The following RIPK1 variants were observed in gnomAD, a reference collection of about 807,000 sequenced individuals.
RIPK1 encodes the protein receptor interacting serine/threonine kinase 1.
A neutral mutation model predicts 62.4 loss-of-function variants in RIPK1; 27 were observed. The observed-to-expected ratio is 0.43, with a 90% CI of 0.32 to 0.60. The LOEUF (loss-of-function observed/expected upper bound fraction) is 0.60. RIPK1 is among the 20% of genes least tolerant of loss of function. The probability of loss-of-function intolerance (pLI) is 0.07; values close to 1 mark genes in which losing one functional copy is unlikely to be tolerated. For synonymous variants in RIPK1, 287 were observed against 303.2 expected (o/e 0.95, Z 0.55); for missense variants, 735 against 831.0 (o/e 0.88, Z 1.42).
chr6:3,084,634 G>A (rs1759594065), intron 5 of RIPK1, among the ~76,000 whole-genome samples: 2 of 138,952 alleles, frequency 1.4e-5, no homozygotes, highest in South Asian at 4.4e-4. Flanking sequence ...TCATTCTGTC[G>A]CCAGGTTGGA....
Position 3,076,961 on chromosome 6 carries a change from A to G in RIPK1, c.138A>G (p.Thr46=). The change falls in exon 2 of 11, where the codon ACA becomes ACG. Residue 46 remains threonine (T), a synonymous_variant. Transcript: ENST00000259808. The stretch of plus-strand genomic sequence containing the variant: ...CCCAGGGACTCATGATCATGAAAAC[A>G]GTGTACAAGGGGCCCAACTGCATTG... The part of the protein sequence containing the change: ...HRTQGLMIMK[T]VYKGPNCIEH... 6.7e-7 allele frequency: 1 copy of G among 1,496,734 alleles called. No individual in the cohort carries two copies. The highest frequency in any genetic ancestry group is 2.8e-5 in the East Asian group (1 of 36,322). The allele number at this position is 1,496,734 out of a possible 1,614,324, so 92.7% of individuals were successfully genotyped here.
upstream of RIPK1, chr6:3,068,317 T>G: frequency 3.0e-6 from 3 of 985,398 alleles, no homozygotes; most frequent in Non-Finnish European, 3.6e-6. Context: ...GAGGTTTCGG[T>G]TTCCTCTTTT....
upstream of RIPK1, among the ~76,000 whole-genome samples, chr6:3,067,401 T>C (rs1258330859): frequency 1.3e-5 from 2 of 152,114 alleles, no homozygotes; most frequent in East Asian, 3.9e-4. Flanking sequence ...CTCATCAACA[T>C]TTGTTGTTGT....
intron 7 of RIPK1, among the ~76,000 whole-genome samples, chr6:3,099,493 G>A (rs1581423941): frequency 1.3e-5 from 2 of 152,312 alleles, no homozygotes; most frequent in African/African-American, 4.8e-5. Flanking sequence ...GCAGTGAGCC[G>A]AGATGGAGCC....
intron 7 of RIPK1, among the ~76,000 whole-genome samples, chr6:3,097,878 CT>C (rs1355164419): frequency 6.6e-6 from 1 of 151,902 alleles, no homozygotes; most frequent in Non-Finnish European, 1.5e-5. Flanking sequence ...CATTTTAAAA[CT>C]TTTATTCATC....
intron 7 of RIPK1, among the ~76,000 whole-genome samples, chr6:3,090,749 T>G (rs1760015942): frequency 6.6e-6 from 1 of 151,430 alleles, no homozygotes; most frequent in African/African-American, 2.4e-5. Context: ...ACGCTGCACC[T>G]AATAACCGCA....
At chr6:3,111,436 A>G (rs945915077) in intron 10 of RIPK1, among the ~76,000 whole-genome samples, 2 of 152,040 alleles carry the variant, frequency 1.3e-5, no homozygotes, top group South Asian at 2.1e-4. Flanking sequence ...ATCCCAAAGT[A>G]CAGTCTGGAA....
At chr6:3,071,252 T>A (rs994221355) in intron 1 of RIPK1, among the ~76,000 whole-genome samples, 3 of 152,230 alleles carry the variant, frequency 2.0e-5, no homozygotes, top group Admixed American at 6.5e-5. Context: ...ATTCTCTTGT[T>A]ATGTGTGGTC....
chr6:3,077,127 C>T, intron 2 of RIPK1, 140 bp downstream of exon 2: 1 of 700,636 alleles, frequency 1.4e-6, no homozygotes, highest in Non-Finnish European at 2.3e-6. Flanking sequence ...GACGATGGCT[C>T]TTCGGATTGT....
chr6:3,083,954 A>T (rs1013490835), intron 5 of RIPK1, among the ~76,000 whole-genome samples: 7 of 152,030 alleles, frequency 4.6e-5, no homozygotes, highest in South Asian at 4.1e-4. Context: ...ACCCCTCTTC[A>T]TATGCTTGGG....
chr6:3,074,827 G>A (rs745632151), intron 1 of RIPK1, among the ~76,000 whole-genome samples: 2 of 152,176 alleles, frequency 1.3e-5, no homozygotes, highest in East Asian at 1.9e-4. Flanking sequence ...GATTAGAGGC[G>A]CGTGCCACCA....
intron 1 of RIPK1, among the ~76,000 whole-genome samples, chr6:3,070,989 C>A (rs971146033): frequency 2.0e-5 from 3 of 152,192 alleles, no homozygotes; most frequent in African/African-American, 7.2e-5. Context: ...TCTTTATTTG[C>A]AAATTGAAAT....
intron 3 of RIPK1, among the ~76,000 whole-genome samples, chr6:3,079,338 G>A (rs751047368): frequency 5.3e-5 from 8 of 152,182 alleles, no homozygotes; most frequent in South Asian, 2.1e-4. Context: ...TTGGCCTCCC[G>A]AAGTTCTGGG....
intron 7 of RIPK1, among the ~76,000 whole-genome samples, chr6:3,101,709 T>C (rs1760595601): frequency 6.6e-6 from 1 of 152,234 alleles, no homozygotes. Context: ...GGATAGGTTT[T>C]AAGAATATAT....
upstream of RIPK1, among the ~76,000 whole-genome samples, chr6:3,067,222 G>A (rs1486656168): frequency 1.3e-5 from 2 of 151,968 alleles, no homozygotes; most frequent in African/African-American, 2.4e-5. Context: ...TCTTGTACAG[G>A]TGTTTGTATG....
rs1240792536 is a variant in RIPK1, at chr6:3,077,946, C to T, written c.321+11C>T. 2 of 1,612,770 alleles carry T rather than the reference C, an allele frequency of 1.2e-6. No individual in the cohort carries two copies. Among genetic ancestry groups the T allele is most frequent in the South Asian group, 2.2e-5 (2 of 90,982 alleles). On this transcript the variant is annotated intron_variant, in intron 3 of 10. Transcript: ENST00000259808. ...GTGCTGAAAGCCGAGGTAGAGAGGG[C>T]CCCTCCGCACGGGGATCCCCAGCGC...
chr6:3,068,934 C>T (rs1254297144), intron 1 of RIPK1: 1 of 154,148 alleles, frequency 6.5e-6, no homozygotes, highest in African/African-American at 2.4e-5. Context: ...CCGGGGTGCG[C>T]GCGGCGGGCG....
In RIPK1 at chr6:3,113,217, C is replaced by T. The variant is rs1761253004; in HGVS notation, c.1894C>T (p.Leu632Phe). ...DGLKEKVYQM[L>F]QKWVMREGIK... is the part of the protein sequence containing the mutation. ...ACTGAAAGAAAAGGTTTACCAGATG[C>T]TCCAAAAGTGGGTGATGAGGGAAGG... The change falls in exon 11 of 11, where the codon CTC becomes TTC. Residue 632 changes from leucine (L) to phenylalanine (F), a missense_variant. Leu to Phe is a conservative substitution (Grantham distance 22). Transcript: ENST00000259808. This position sits in a 1 kb window ranked among gnomAD's most constrained non-coding sequence, Gnocchi z 5.0. The T allele has an allele frequency of 9.3e-6, 15 of 1,613,922 alleles. No homozygotes were observed. The highest frequency in any genetic ancestry group is 1.3e-5 in the Non-Finnish European group (15 of 1,179,990).
At chr6:3,079,325 G>T (rs545861854) in intron 3 of RIPK1, among the ~76,000 whole-genome samples, 109 of 152,164 alleles carry the variant, frequency 7.2e-4, no homozygotes, top group Non-Finnish European at 1.1e-3. Context: ...TGATCCGACT[G>T]CCTTGGCCTC....
Sources: gnomAD v4.1 joint callset for allele counts (sites outside exome capture counted in the v4.1 genomes callset) on GRCh38, gnomAD v4.1.1 for gene constraint, Gnocchi (gnomAD v3.1) non-coding constraint, MANE v1.5 for transcripts, NCBI Gene and HGNC (gene_info 2026-07-23, HGNC 2026-07-21) for gene names.